Variants in GRAMD1B observed in about 807,000 individuals in gnomAD.
GRAMD1B encodes protein Aster-B.
Under a neutral mutation model 99.7 loss-of-function variants are expected in GRAMD1B, and 37 were observed. That is an observed-to-expected ratio of 0.37 (90% CI 0.29 to 0.49). The LOEUF (loss-of-function observed/expected upper bound fraction) is 0.49, where lower values mean the gene tolerates loss of function less well. Among genes scored for constraint, GRAMD1B ranks in the 20% least tolerant of loss-of-function variants. The pLI is 0.98. For missense variants in GRAMD1B, 888 were observed against 1,009.2 expected (o/e 0.88, Z 1.63); for synonymous variants, 427 against 387.6 (o/e 1.10, Z -1.19).
At position 123,609,702 on chromosome 11, in the gene GRAMD1B, G is replaced by A. The variant is rs1953271926; in HGVS notation, c.1658-93G>A. 9.2e-6 allele frequency: 7 copies of A among 765,006 alleles called. No individual in the cohort carries two copies. In the South Asian group the frequency reaches 1.2e-4, roughly 13 times the overall value. The allele number at this position is 765,006 out of a possible 1,614,324, so 47.4% of individuals were successfully genotyped here. A position where few individuals can be genotyped will look rare whatever the true frequency, so the allele number is the denominator to read the frequency against. ...CCTTTTGGGGGCCAGGCAGTAGTAA[G>A]CACAGTCCAGAAGGTCACTTGGAGG... On this transcript the variant is annotated intron_variant, in intron 12 of 19. Coordinates refer to ENST00000635736, the MANE Select transcript of GRAMD1B (RefSeq NM_001387025.1).
At chr11:123,503,972 T>C (rs905667447) in intron 2 of GRAMD1B, among the ~76,000 whole-genome samples, 2 of 152,246 alleles carry the variant, frequency 1.3e-5, no homozygotes, top group African/African-American at 4.8e-5. Context: ...TCATAACTTA[T>C]ATAATGTCAT....
At chr11:123,508,861 T>A (rs2135265579) in intron 2 of GRAMD1B, among the ~76,000 whole-genome samples, 1 of 152,172 alleles carries the variant, frequency 6.6e-6, no homozygotes, top group East Asian at 1.9e-4. Context: ...AATTTTGTAT[T>A]TTTAGTAGAG....
At chr11:123,392,464 C>T (rs1242153286) in intron 1 of GRAMD1B, among the ~76,000 whole-genome samples, 1 of 151,798 alleles carries the variant, frequency 6.6e-6, no homozygotes, top group African/African-American at 2.4e-5. Flanking sequence ...TTGGTTGACT[C>T]AGATTACTGT....
At chr11:123,419,290 T>C (rs1243406513) in intron 1 of GRAMD1B, among the ~76,000 whole-genome samples, 1 of 152,188 alleles carries the variant, frequency 6.6e-6, no homozygotes, top group Non-Finnish European at 1.5e-5. Context: ...AGGTTCACTC[T>C]GGGCTTTACC....
At chr11:123,448,358 T>TTC (rs202085037) in intron 1 of GRAMD1B, among the ~76,000 whole-genome samples, 3 of 107,926 alleles carry the variant, frequency 2.8e-5, no homozygotes, top group East Asian at 4.4e-4. Flanking sequence ...GTTCAAGCGA[T>TTC]TCTCGTGTGT....
chr11:123,459,799 G>A (rs1037570846), intron 1 of GRAMD1B: 7 of 151,964 alleles, frequency 4.6e-5, no homozygotes, highest in African/African-American at 1.5e-4. Context: ...GCAGGGCTGG[G>A]TCTTAGGTAA....
chr11:123,549,189 C>T (rs1176973096), intron 2 of GRAMD1B, among the ~76,000 whole-genome samples: 1 of 152,164 alleles, frequency 6.6e-6, no homozygotes, highest in Non-Finnish European at 1.5e-5. Context: ...GCTTCACTTC[C>T]TATGGCCACA....
intron 2 of GRAMD1B, among the ~76,000 whole-genome samples, chr11:123,513,581 C>CTCTTT (rs1565315626): frequency 3.0e-5 from 2 of 65,846 alleles, no homozygotes; most frequent in African/African-American, 1.6e-4. Context: ...TCCTTCCTTT[C>CTCTTT]CTTCCTTCCT....
Position 123,622,581 on chromosome 11 carries a change from A to C in GRAMD1B, c.2620A>C (p.Asn874His). ...DYTSESEEKRNRYH is the reference protein window; with the variant it reads ...DYTSESEEKRHRYH Reference sequence around the variant, plus strand: ...CACGTCGGAAAGTGAAGAAAAGAGGAATCGCTATCATTGACAAGGCAGGAA... The same window carrying C: ...CACGTCGGAAAGTGAAGAAAAGAGGCATCGCTATCATTGACAAGGCAGGAA... The change falls in exon 20 of 20, where the codon AAT becomes CAT. Residue 874 changes from asparagine to histidine, a missense_variant. Coordinates refer to ENST00000635736, the MANE Select transcript of GRAMD1B (RefSeq NM_001387025.1). 7 of 1,549,998 alleles carry C rather than the reference A, an allele frequency of 4.5e-6. No individual in the cohort carries two copies. The highest frequency in any genetic ancestry group is 6.1e-6 in the Non-Finnish European group (7 of 1,144,558).
At chr11:123,497,879 C>T (rs1254485293) in intron 2 of GRAMD1B, among the ~76,000 whole-genome samples, 1 of 123,876 alleles carries the variant, frequency 8.1e-6, no homozygotes, top group Non-Finnish European at 1.6e-5. Flanking sequence ...CCAGCCTGGG[C>T]GGTAAAGCTA....
intron 1 of GRAMD1B, among the ~76,000 whole-genome samples, chr11:123,467,819 TTCCCTCCC>T (rs758659782): frequency 2.9e-5 from 4 of 139,840 alleles, no homozygotes; most frequent in Non-Finnish European, 4.6e-5. Flanking sequence ...TTCTTTTCTT[TTCCCTCCC>T]TCCCTCCCTC....
chr11:123,614,869 AC>A, intron 17 of GRAMD1B, 34 bp downstream of exon 17: 2 of 1,262,782 alleles, frequency 1.6e-6, no homozygotes, highest in South Asian at 1.2e-5. Flanking sequence ...TCCTGCCCTC[AC>A]CACCTTCCCT....
At chr11:123,609,659 T>G in intron 12 of GRAMD1B, 136 bp from the exon 13 acceptor site, 2 of 583,956 alleles carry the variant, frequency 3.4e-6, no homozygotes. Context: ...CCCCCGGCCC[T>G]CGGGCTCCCA....
In GRAMD1B at chr11:123,488,481, C is replaced by T. The variant is rs571037626; in HGVS notation, c.452+7588C>T. 1.6e-4 allele frequency among the ~76,000 whole-genome samples: 25 copies of T among 152,296 alleles called. No homozygotes were observed. The South Asian group carries it at 3.9e-3, about 24-fold the overall frequency. On this transcript the variant is annotated intron_variant, in intron 2 of 19. Transcript: ENST00000635736. Reference sequence around the variant, plus strand: ...TGGCCCTGCTGTCTGCTAGGCACCACGTAAGGGATTCCAAGATGAAGACAT... The same window carrying T: ...TGGCCCTGCTGTCTGCTAGGCACCATGTAAGGGATTCCAAGATGAAGACAT...
At chr11:123,489,506 G>A (rs1418501297) in intron 2 of GRAMD1B, among the ~76,000 whole-genome samples, 2 of 152,292 alleles carry the variant, frequency 1.3e-5, no homozygotes, top group East Asian at 3.9e-4. Flanking sequence ...AAGATGACTA[G>A]GAGATAGTAA....
At chr11:123,440,811 GT>G (rs1360288116) in intron 1 of GRAMD1B, among the ~76,000 whole-genome samples, 2 of 152,068 alleles carry the variant, frequency 1.3e-5, no homozygotes, top group African/African-American at 4.8e-5. Flanking sequence ...GCTTGGCTGC[GT>G]CCCCACCCAA....
intron 2 of GRAMD1B, among the ~76,000 whole-genome samples, chr11:123,508,667 A>G (rs1201991444): frequency 6.6e-6 from 1 of 152,120 alleles, no homozygotes; most frequent in East Asian, 1.9e-4. Context: ...AAGCAAGGTA[A>G]TAAATGATCA....
At chr11:123,500,284 G>A (rs779322804) in intron 2 of GRAMD1B, among the ~76,000 whole-genome samples, 8 of 152,158 alleles carry the variant, frequency 5.3e-5, no homozygotes, top group Non-Finnish European at 8.8e-5. Flanking sequence ...TCATACCACT[G>A]CAGTCCAGCC....
chr11:123,526,679 C>G (rs1300445571), intron 2 of GRAMD1B, among the ~76,000 whole-genome samples: 1 of 152,098 alleles, frequency 6.6e-6, no homozygotes, highest in Non-Finnish European at 1.5e-5. Flanking sequence ...CAGGCTCCAT[C>G]TTCTAGGATG....
Sources: allele counts gnomAD v4.1 joint callset (sites outside exome capture counted in the v4.1 genomes callset), GRCh38; gene constraint gnomAD v4.1.1; transcripts MANE v1.5; gene names NCBI Gene and HGNC (gene_info 2026-07-23, HGNC 2026-07-21).